MAGI2: variants seen among roughly 807,000 people sequenced by gnomAD.
The protein encoded by MAGI2 is membrane associated guanylate kinase, WW and PDZ domain containing 2, also known as membrane-associated guanylate kinase, WW and PDZ domain-containing protein 2.
In MAGI2, 35 loss-of-function variants were observed where a neutral mutation model predicts 133.3. The ratio of observed to expected loss-of-function variants is 0.26; its 90% CI spans 0.20 to 0.35. The LOEUF is 0.35. MAGI2 is among the 10% of genes least tolerant of loss of function. The pLI is 1.00. For missense variants in MAGI2, 1,636 were observed against 1,863.4 expected, an observed-to-expected ratio of 0.88 and a Z score of 2.25; for synonymous variants, 729 against 710.6, an observed-to-expected ratio of 1.03 and a Z score of -0.41.
intron 1 of MAGI2, among the ~76,000 whole-genome samples, chr7:79,127,865 G>A (rs937748575): frequency 3.5e-4 from 53 of 152,204 alleles, no homozygotes; most frequent in African/African-American, 1.1e-3. Context: ...TAGACACGAA[G>A]TCCTTGCCCA....
chr7:78,063,763 A>T (rs984674929), intron 21 of MAGI2, among the ~76,000 whole-genome samples: 3 of 152,214 alleles, frequency 2.0e-5, no homozygotes, highest in Non-Finnish European at 4.4e-5. Context: ...TAAGCAGATT[A>T]GTTTACTGCC....
chr7:78,638,279 A>G (rs1809893893), intron 2 of MAGI2, among the ~76,000 whole-genome samples: 1 of 152,222 alleles, frequency 6.6e-6, no homozygotes, highest in Non-Finnish European at 1.5e-5. Context: ...GACCACTGAT[A>G]TACAAGCACT....
intron 1 of MAGI2, among the ~76,000 whole-genome samples, chr7:79,304,207 G>GTGTGTC (rs1837609864): frequency 3.2e-5 from 2 of 61,858 alleles, no homozygotes; most frequent in Non-Finnish European, 9.3e-5. Context: ...GTGTGTCTGT[G>GTGTGTC]TGTGTGTGTG....
chr7:78,978,012 A>C (rs756541890), intron 2 of MAGI2, among the ~76,000 whole-genome samples: 11 of 151,304 alleles, frequency 7.3e-5, no homozygotes, highest in Non-Finnish European at 1.2e-4. Flanking sequence ...AAATTCAAAA[A>C]ACTGACAGTA....
intron 4 of MAGI2, among the ~76,000 whole-genome samples, chr7:78,508,685 T>C (rs1357846913): frequency 6.6e-6 from 1 of 152,100 alleles, no homozygotes. Context: ...ACACATCATA[T>C]ATATATCAGA....
At chr7:78,570,968 C>A (rs1801438704) in intron 3 of MAGI2, among the ~76,000 whole-genome samples, 1 of 152,038 alleles carries the variant, frequency 6.6e-6, no homozygotes, top group South Asian at 2.1e-4. Flanking sequence ...GAGGCTGGAG[C>A]AAAATTAGGT....
At chr7:78,810,931 CA>C (rs1788988633) in intron 2 of MAGI2, among the ~76,000 whole-genome samples, 1 of 151,882 alleles carries the variant, frequency 6.6e-6, no homozygotes, top group Non-Finnish European at 1.5e-5. Flanking sequence ...AAACTTATTT[CA>C]AATTATAAGA....
chr7:78,593,111 G>A (rs947077569), intron 3 of MAGI2, among the ~76,000 whole-genome samples: 2 of 137,688 alleles, frequency 1.5e-5, no homozygotes, highest in Non-Finnish European at 3.1e-5. Context: ...GTGAACCACC[G>A]CACCTGGCCC....
chr7:78,587,460 G>A (rs530219489), intron 3 of MAGI2, among the ~76,000 whole-genome samples: 80 of 152,268 alleles, frequency 5.3e-4, no homozygotes, highest in African/African-American at 1.8e-3. Flanking sequence ...TTAAAAAAAA[G>A]TGGTTCATTT....
intron 6 of MAGI2, among the ~76,000 whole-genome samples, chr7:78,378,377 C>G (rs1159534820): frequency 1.3e-5 from 2 of 151,992 alleles, no homozygotes; most frequent in African/African-American, 4.8e-5. Context: ...AATAAAATAA[C>G]TATATCTATA....
intron 2 of MAGI2, among the ~76,000 whole-genome samples, chr7:78,672,581 G>A (rs1452110443): frequency 1.3e-5 from 2 of 152,156 alleles, no homozygotes; most frequent in Non-Finnish European, 2.9e-5. Flanking sequence ...TGAATAAACT[G>A]TTGAGACATG....
chr7:78,194,523 C>G (rs1381376654), intron 12 of MAGI2, among the ~76,000 whole-genome samples: 1 of 151,996 alleles, frequency 6.6e-6, no homozygotes, highest in East Asian at 1.9e-4. Flanking sequence ...GCTTTAGGCT[C>G]AAGATCAGAT....
At chr7:78,529,884 T>C (rs377167548) in intron 3 of MAGI2, among the ~76,000 whole-genome samples, 1 of 151,650 alleles carries the variant, frequency 6.6e-6, no homozygotes, top group Non-Finnish European at 1.5e-5. Context: ...TTTAATATTT[T>C]TCTTTACCAA....
intron 1 of MAGI2, among the ~76,000 whole-genome samples, chr7:79,323,676 G>GA (rs1839371960): frequency 6.6e-6 from 1 of 152,172 alleles, no homozygotes; most frequent in South Asian, 2.1e-4. Flanking sequence ...TTGCATTTTA[G>GA]AAAACTCACG....
chr7:78,109,266 T>G, intron 20 of MAGI2, among the ~76,000 whole-genome samples: 1 of 111,146 alleles, frequency 9.0e-6, no homozygotes, highest in East Asian at 3.1e-4. Flanking sequence ...ATCGAGCCAC[T>G]GCAGTCCAGC....
chr7:78,670,892 C>G (rs1814302026), intron 2 of MAGI2, among the ~76,000 whole-genome samples: 1 of 152,090 alleles, frequency 6.6e-6, no homozygotes, highest in Non-Finnish European at 1.5e-5. Flanking sequence ...TATAAAAATG[C>G]TTAGAACAAT....
intron 1 of MAGI2, among the ~76,000 whole-genome samples, chr7:79,329,114 A>G (rs2129088558): frequency 6.6e-6 from 1 of 152,320 alleles, no homozygotes; most frequent in Non-Finnish European, 1.5e-5. Flanking sequence ...TCCTTCCAAC[A>G]TACTACATAG....
intron 14 of MAGI2, among the ~76,000 whole-genome samples, chr7:78,171,316 G>A (rs766488400): frequency 1.3e-5 from 2 of 152,132 alleles, no homozygotes; most frequent in Non-Finnish European, 2.9e-5. Context: ...AAGCTTTTGC[G>A]AACATGCTTC....
chr7:78,183,297 C>T lies in MAGI2; in HGVS notation c.2311+2332G>A, dbSNP rs187219483. 3.3e-3 allele frequency among the ~76,000 whole-genome samples: 465 copies of T among 140,640 alleles called. 3 individuals are homozygous for T. The highest frequency in any genetic ancestry group is 0.012 in the East Asian group (59 of 4,946). The allele number at this position is 140,640 out of a possible 152,430, so 92.3% of individuals were successfully genotyped here. A position where few individuals can be genotyped will look rare whatever the true frequency, so the allele number is the denominator to read the frequency against. On this transcript the variant is annotated intron_variant, in intron 13 of 21. Coordinates refer to ENST00000354212, the MANE Select transcript of MAGI2 (RefSeq NM_012301.4). ...TTTTTTTTTTTTTGAGATGGAGTCT[C>T]GCTCTGTTGCCAGACTGGAGTGCAG...
Sources: gnomAD v4.1 joint callset for allele counts (sites outside exome capture counted in the v4.1 genomes callset) on GRCh38, gnomAD v4.1.1 for gene constraint, MANE v1.5 for transcripts, NCBI Gene and HGNC (gene_info 2026-07-23, HGNC 2026-07-21) for gene names.